Variants in TCAIM observed in about 807,000 individuals in gnomAD.
TCAIM encodes the protein T-cell activation inhibitor, mitochondrial.
TCAIM carries 36 observed loss-of-function variants against 58.6 expected under a neutral mutation model. The ratio of observed to expected loss-of-function variants is 0.61; its 90% CI spans 0.47 to 0.81. The LOEUF is 0.81. Among genes scored for constraint, TCAIM ranks in the 30% least tolerant of loss-of-function variants. TCAIM has a pLI of 0.00. For missense variants in TCAIM, 466 were observed against 579.6 expected (o/e 0.80, Z 2.01); for synonymous variants, 172 against 193.6 (o/e 0.89, Z 0.93).
chr3:44,397,752 A>G (rs4682976), intron 8 of TCAIM, among the ~76,000 whole-genome samples: 76,951 of 151,962 alleles, frequency 0.51, 20,275 homozygotes, highest in East Asian at 0.81. Context: ...ATAGCTCTGT[A>G]GTACAATCTC....
intron 10 of TCAIM, among the ~76,000 whole-genome samples, chr3:44,401,754 GGCACGGTGGCTCATGCCTGTAATCCCA>G (rs1702024360): frequency 1.3e-5 from 2 of 152,186 alleles, no homozygotes; most frequent in Non-Finnish European, 2.9e-5. Flanking sequence ...TCTTAGGCCC[GGCACGGTGGCTCATGCCTGTAATCCCA>G]GCACTTGGGG....
At chr3:44,340,897 C>T (rs1202024407) in intron 1 of TCAIM, 1 of 152,208 alleles carries the variant, frequency 6.6e-6, no homozygotes, top group Non-Finnish European at 1.5e-5. Flanking sequence ...AAAACTGGAT[C>T]CTCATCTGTC....
chr3:44,339,317 A>T (rs1286137894), intron 1 of TCAIM, among the ~76,000 whole-genome samples: 1 of 152,206 alleles, frequency 6.6e-6, no homozygotes, highest in Non-Finnish European at 1.5e-5. Context: ...CACAGTTCAA[A>T]TGAGAGTGGC....
intron 5 of TCAIM, among the ~76,000 whole-genome samples, chr3:44,385,275 T>G (rs1381457045): frequency 6.6e-6 from 1 of 152,132 alleles, no homozygotes; most frequent in Non-Finnish European, 1.5e-5. Context: ...TTGGAGGACA[T>G]GGTTGAGAAA....
chr3:44,341,577 T>C lies in TCAIM; in HGVS notation c.-45+2743T>C, dbSNP rs1031450644. ...TTCAGACATTGACTCCTTATTGTGA[T>C]AATTCTGAGTTTTTCAACAAAGTTT... On this transcript the variant is annotated intron_variant, in intron 1 of 10. Transcript: ENST00000342649. 2.0e-5 allele frequency among the ~76,000 whole-genome samples: 3 copies of C among 152,200 alleles called. No individual in the cohort carries two copies. In the South Asian group the frequency reaches 6.2e-4, roughly 31 times the overall value.
At chr3:44,377,466 C>G (rs1015932720) in intron 5 of TCAIM, among the ~76,000 whole-genome samples, 2 of 152,066 alleles carry the variant, frequency 1.3e-5, no homozygotes, top group Non-Finnish European at 2.9e-5. Context: ...TATAGAAGAA[C>G]CAAACAAGAA....
chr3:44,341,404 C>T (rs1364410462), intron 1 of TCAIM: 1 of 152,080 alleles, frequency 6.6e-6, no homozygotes, highest in Non-Finnish European at 1.5e-5. Context: ...CCTTTGTCTT[C>T]AAATGGTAAA....
At chr3:44,351,021 T>G (rs896299993) in intron 1 of TCAIM, among the ~76,000 whole-genome samples, 12 of 152,222 alleles carry the variant, frequency 7.9e-5, no homozygotes, top group African/African-American at 2.9e-4. Context: ...TGTTGTTGTT[T>G]TTGAGATGGA....
At chr3:44,372,044 AGG>A (rs1306187683) in intron 5 of TCAIM, among the ~76,000 whole-genome samples, 9 of 148,672 alleles carry the variant, frequency 6.1e-5, no homozygotes, top group Non-Finnish European at 1.2e-4. Context: ...GAAGGAAGGA[AGG>A]AAGGAAGGAA....
intron 4 of TCAIM, among the ~76,000 whole-genome samples, chr3:44,366,674 G>A (rs1701382958): frequency 6.6e-6 from 1 of 151,348 alleles, no homozygotes; most frequent in African/African-American, 2.4e-5. Context: ...CACTGTTTTA[G>A]CCAGGATAGT....
intron 5 of TCAIM, among the ~76,000 whole-genome samples, chr3:44,378,692 T>C (rs1370422578): frequency 6.6e-6 from 1 of 151,542 alleles, no homozygotes; most frequent in Non-Finnish European, 1.5e-5. Flanking sequence ...GTGCCTGTAA[T>C]CTCAGCTATT....
intron 10 of TCAIM, among the ~76,000 whole-genome samples, chr3:44,404,807 C>A (rs1294046274): frequency 4.6e-5 from 6 of 130,378 alleles, no homozygotes; most frequent in African/African-American, 1.7e-4. Flanking sequence ...CAGTTTTTGC[C>A]ATTTTTTTAT....
Position 44,361,522 on chromosome 3 carries a change from CG to C in TCAIM, c.319+5del. On this transcript the variant is annotated splice_donor_5th_base_variant and intron_variant, in intron 4 of 10. Transcript: ENST00000342649. The stretch of plus-strand genomic sequence containing the variant: ...CAGGAACCTTTTAGTACTTCCGGTA[CG>C]TTTTTTATTTCTGGTGTGTCCCTTG... 6.3e-7 allele frequency: 1 copy of C among 1,584,880 alleles called. No individual in the cohort carries two copies. The highest frequency in any genetic ancestry group is 8.5e-7 in the Non-Finnish European group (1 of 1,169,610).
At chr3:44,400,287 G>T in intron 8 of TCAIM, 68 bp from the exon 9 acceptor site, 2 of 1,221,866 alleles carry the variant, frequency 1.6e-6, no homozygotes, top group Non-Finnish European at 1.1e-6. Context: ...CCATTTATTG[G>T]AATTCTAAAA....
At chr3:44,405,655 C>T (rs1702088508) in intron 10 of TCAIM, among the ~76,000 whole-genome samples, 1 of 150,840 alleles carries the variant, frequency 6.6e-6, no homozygotes, top group Non-Finnish European at 1.5e-5. Context: ...GCCTGGGCAA[C>T]AGCAAGACCC....
intron 5 of TCAIM, among the ~76,000 whole-genome samples, chr3:44,381,462 C>T (rs1161853242): frequency 2.6e-5 from 4 of 152,030 alleles, no homozygotes; most frequent in Non-Finnish European, 4.4e-5. Flanking sequence ...ACTAAAAACA[C>T]TCTAGAAATA....
At chr3:44,345,122 C>T (rs6785283) in intron 1 of TCAIM, among the ~76,000 whole-genome samples, 129,674 of 152,044 alleles carry the variant, frequency 0.85, 55,357 homozygotes, top group Middle Eastern at 0.91. Context: ...TAATGGGCGA[C>T]GTTTCTCAGG....
At chr3:44,396,072 A>G (rs1040739754) in intron 6 of TCAIM, among the ~76,000 whole-genome samples, 14 of 152,276 alleles carry the variant, frequency 9.2e-5, no homozygotes. Flanking sequence ...CATTGTAACA[A>G]TGTGAAAAAG....
rs1348255268 is a variant in TCAIM at position 44,400,509 on chromosome 3, T to A, written c.1040T>A (p.Val347Glu). ...GAAGAATATTACTCTCTTCTTGATG[T>A]GTTTTATAATAGACTGTTGAAAAGT... The part of the protein sequence containing the change: ...TLEEYYSLLD[V>E]FYNRLLKSRI... Residue 347 changes from valine to glutamate, a missense_variant, in exon 9 of 11, where the codon GTG becomes GAG. Transcript: ENST00000342649. 1 of 1,613,828 alleles carries A rather than the reference T, an allele frequency of 6.2e-7. No individual in the cohort carries two copies. Among genetic ancestry groups the A allele is most frequent in the Non-Finnish European group, 8.5e-7 (1 of 1,179,882 alleles).
Sources: gnomAD v4.1 joint callset for allele counts (sites outside exome capture counted in the v4.1 genomes callset) on GRCh38, gnomAD v4.1.1 for gene constraint, MANE v1.5 for transcripts, NCBI Gene and HGNC (gene_info 2026-07-23, HGNC 2026-07-21) for gene names.